TMEM44: variants seen among roughly 807,000 people sequenced by gnomAD.
The protein encoded by TMEM44 is transmembrane protein 44.
In TMEM44, 43 loss-of-function variants were observed where a neutral mutation model predicts 47.8. That is an observed-to-expected ratio of 0.90 (90% CI 0.70 to 1.16). The LOEUF (loss-of-function observed/expected upper bound fraction) is 1.16, where lower values mean the gene tolerates loss of function less well. Among genes scored for constraint, TMEM44 ranks in the 50% most tolerant of loss-of-function variants. TMEM44 has a pLI of 0.00. For missense variants in TMEM44, 568 were observed against 555.2 expected (o/e 1.02, Z -0.23); for synonymous variants, 277 against 238.8 (o/e 1.16, Z -1.48).
intron 1 of TMEM44, among the ~76,000 whole-genome samples, chr3:194,630,827 A>G (rs1484086194): frequency 7.7e-4 from 78 of 101,254 alleles, no homozygotes; most frequent in South Asian, 1.9e-3. Context: ...TTCCGTCGGC[A>G]TCACTGATAG....
intron 9 of TMEM44, among the ~76,000 whole-genome samples, chr3:194,594,133 A>ATCTGTCTGTCTGTCTG (rs1196298353): frequency 0.022 from 3,142 of 143,970 alleles, 50 homozygotes; most frequent in East Asian, 0.08. Context: ...CTATCTATCT[A>ATCTGTCTGTCTGTCTG]TCTATCTATC....
intron 1 of TMEM44, among the ~76,000 whole-genome samples, 178 bp from the exon 2 acceptor site, chr3:194,628,687 G>A (rs761016641): frequency 2.3e-4 from 35 of 152,228 alleles, no homozygotes; most frequent in South Asian, 1.2e-3. Context: ...CTCCAGAGCC[G>A]CCTGTCCAGA....
intron 7 of TMEM44, among the ~76,000 whole-genome samples, chr3:194,614,542 T>C (rs1478811338): frequency 6.6e-6 from 1 of 152,164 alleles, no homozygotes; most frequent in Non-Finnish European, 1.5e-5. Flanking sequence ...TAGCTGGGAC[T>C]ACAGGCACAC....
intron 9 of TMEM44, chr3:194,589,207 C>G (rs1202863709): frequency 6.5e-6 from 1 of 153,088 alleles, no homozygotes; most frequent in Non-Finnish European, 1.5e-5. Context: ...GCAATGTTGC[C>G]CAGGCTGATC....
At chr3:194,620,120 G>A (rs1354927226) in intron 5 of TMEM44, among the ~76,000 whole-genome samples, 1 of 151,922 alleles carries the variant, frequency 6.6e-6, no homozygotes, top group East Asian at 1.9e-4. Flanking sequence ...GAGAAACCCT[G>A]TCTCTACTAA....
chr3:194,625,194 G>A (rs1560197340), intron 3 of TMEM44, among the ~76,000 whole-genome samples: 1 of 152,122 alleles, frequency 6.6e-6, no homozygotes, highest in Non-Finnish European at 1.5e-5. Flanking sequence ...GTGAAGCTTC[G>A]CTTGACCACC....
At chr3:194,591,764 C>T (rs1192259132) in intron 9 of TMEM44, among the ~76,000 whole-genome samples, 2 of 151,878 alleles carry the variant, frequency 1.3e-5, no homozygotes, top group Admixed American at 1.3e-4. Context: ...CACCACCACA[C>T]CTGGCTAATT....
chr3:194,600,465 TA>T (rs1713952788), intron 9 of TMEM44, among the ~76,000 whole-genome samples: 1 of 146,538 alleles, frequency 6.8e-6, no homozygotes, highest in African/African-American at 2.5e-5. Flanking sequence ...GAACAGAAAA[TA>T]GGCTGGGCAA....
chr3:194,599,018 G>T (rs1713751761), intron 9 of TMEM44, among the ~76,000 whole-genome samples: 1 of 152,218 alleles, frequency 6.6e-6, no homozygotes, highest in Non-Finnish European at 1.5e-5. Context: ...TGGCAGCCAG[G>T]CCAGGGGCAG....
chr3:194,632,368 C>G (rs1355348485), intron 1 of TMEM44, among the ~76,000 whole-genome samples: 1 of 152,198 alleles, frequency 6.6e-6, no homozygotes, highest in Non-Finnish European at 1.5e-5. Context: ...GGTCCTTTCT[C>G]CCCTGCCAGG....
intron 8 of TMEM44, among the ~76,000 whole-genome samples, chr3:194,609,664 C>A (rs886123960): frequency 2.0e-5 from 3 of 151,930 alleles, no homozygotes; most frequent in Non-Finnish European, 2.9e-5. Flanking sequence ...GGGAGTCACC[C>A]GGAGCCCTGC....
chr3:194,596,152 T>C (rs1371656810), intron 9 of TMEM44, among the ~76,000 whole-genome samples: 2 of 151,916 alleles, frequency 1.3e-5, no homozygotes, highest in Non-Finnish European at 2.9e-5. Flanking sequence ...GGCTTAAAAG[T>C]GTAAGCAGCA....
chr3:194,601,145 G>GC (rs1553827174), intron 9 of TMEM44, among the ~76,000 whole-genome samples: 1 of 144,396 alleles, frequency 6.9e-6, no homozygotes, highest in Non-Finnish European at 1.5e-5. Context: ...GAATTTACTT[G>GC]TTTGTTTTTT....
chr3:194,614,599 G>T (rs181274183), intron 7 of TMEM44, among the ~76,000 whole-genome samples: 1 of 152,112 alleles, frequency 6.6e-6, no homozygotes, highest in African/African-American at 2.4e-5. Context: ...TAGAGACGGG[G>T]TTTCACCCTG....
intron 9 of TMEM44, chr3:194,597,333 A>G (rs1221624702): frequency 6.6e-6 from 1 of 152,162 alleles, no homozygotes. Flanking sequence ...CCAGGGGCTA[A>G]AGAAAAAGAA....
chr3:194,602,227 AG>A (rs1714214022), intron 9 of TMEM44, among the ~76,000 whole-genome samples: 1 of 152,266 alleles, frequency 6.6e-6, no homozygotes, highest in East Asian at 1.9e-4. Context: ...TCCAGGGTGC[AG>A]GGACAGAGAG....
intron 6 of TMEM44, 122 bp from the exon 7 acceptor site, chr3:194,615,819 T>C: frequency 7.5e-7 from 1 of 1,333,898 alleles, no homozygotes; most frequent in Non-Finnish European, 1.0e-6. Flanking sequence ...CTCCCCTGTA[T>C]TATCCTGCCT....
intron 3 of TMEM44, among the ~76,000 whole-genome samples, chr3:194,623,943 G>A (rs547066336): frequency 2.0e-5 from 3 of 150,304 alleles, no homozygotes; most frequent in African/African-American, 7.3e-5. Context: ...TCCTCAGGCA[G>A]AGATGACATT....
intron 2 of TMEM44, among the ~76,000 whole-genome samples, chr3:194,627,227 A>G (rs1717279981): frequency 6.6e-6 from 1 of 152,206 alleles, no homozygotes. Context: ...GCTAATGAGA[A>G]TGGGCACCCA....
Sources: allele counts gnomAD v4.1 joint callset (sites outside exome capture counted in the v4.1 genomes callset), GRCh38; gene constraint gnomAD v4.1.1; transcripts MANE v1.5; gene names NCBI Gene and HGNC (gene_info 2026-07-23, HGNC 2026-07-21).